Variants in FGG observed in about 807,000 individuals in gnomAD.
The protein encoded by FGG is fibrinogen, gamma polypeptide.
FGG carries 20 observed loss-of-function variants against 51.7 expected under a neutral mutation model. The observed-to-expected ratio is 0.39, with a 90% CI of 0.27 to 0.56. The LOEUF (loss-of-function observed/expected upper bound fraction) is 0.56, where lower values mean the gene tolerates loss of function less well. Among genes scored for constraint, FGG ranks in the 20% least tolerant of loss-of-function variants. The pLI, the probability that FGG is intolerant of heterozygous loss-of-function variation, is 0.64. For synonymous variants in FGG, 184 were observed against 184.7 expected (o/e 1.00, Z 0.03); for missense variants, 460 against 534.2 (o/e 0.86, Z 1.37).
chr4:154,609,925 C>A, intron 5 of FGG, 142 bp downstream of exon 5: 2 of 1,498,578 alleles, frequency 1.3e-6, no homozygotes, highest in Admixed American at 1.7e-5. Flanking sequence ...TTTAGCTATT[C>A]AAGAAAGGTC....
chr4:154,604,339 T>A lies in FGG; in HGVS notation c.*495A>T. Reference sequence around the variant, plus strand: ...AAGTAAATCTCTTTTGAAACGGTCTTTTAAACGTCTCCAGCCTGTGAATAT... The same window carrying A: ...AAGTAAATCTCTTTTGAAACGGTCTATTAAACGTCTCCAGCCTGTGAATAT... On this transcript the variant is annotated 3_prime_UTR_variant, in exon 9 of 9. Coordinates refer to ENST00000336098, the MANE Select transcript of FGG (RefSeq NM_021870.3). 6.6e-7 allele frequency: 1 copy of A among 1,515,092 alleles called. No individual in the cohort carries two copies. Among genetic ancestry groups the A allele is most frequent in the South Asian group, 1.3e-5 (1 of 75,268 alleles). 93.9% of individuals were successfully genotyped at this position (1,515,092 alleles called of 1,614,324 possible).
At position 154,612,525 on chromosome 4, in the gene FGG, C is replaced by G; in HGVS notation, c.78+7G>C. Reference sequence around the variant, plus strand: ...TTTAAACAACGTTTTGTGAAGAGCACACTTACTGCTACACATGTTGAAGAG... The same window carrying G: ...TTTAAACAACGTTTTGTGAAGAGCAGACTTACTGCTACACATGTTGAAGAG... On this transcript the variant is annotated splice_region_variant and intron_variant, in intron 1 of 8. Coordinates refer to ENST00000336098, the MANE Select transcript of FGG (RefSeq NM_021870.3). The G allele has an allele frequency of 6.2e-7, 1 of 1,613,896 alleles. No homozygotes were observed. The highest frequency in any genetic ancestry group is 8.5e-7 in the Non-Finnish European group (1 of 1,179,822).
chr4:154,610,034 G>A (rs1025943164), intron 5 of FGG, 33 bp downstream of exon 5: 1 of 1,612,804 alleles, frequency 6.2e-7, no homozygotes, highest in Non-Finnish European at 8.5e-7. Flanking sequence ...TTACTTTGAT[G>A]AACCTAATCC....
intron 8 of FGG, among the ~76,000 whole-genome samples, chr4:154,606,317 C>A (rs1057108555): frequency 5.3e-5 from 8 of 152,148 alleles, no homozygotes; most frequent in Non-Finnish European, 1.0e-4. Flanking sequence ...CTGTTCACTG[C>A]GTGTATCTGA....
chr4:154,604,361 A>G lies in FGG; in HGVS notation c.*473T>C. 2 of 1,500,234 alleles carry G rather than the reference A, an allele frequency of 1.3e-6. No individual in the cohort carries two copies. The highest frequency in any genetic ancestry group is 1.4e-5 in the South Asian group (1 of 73,096). 92.9% of individuals were successfully genotyped at this position (1,500,234 alleles called of 1,614,324 possible). ...TCTTTTAAACGTCTCCAGCCTGTGA[A>G]TATATAACAAAACAAAAACCATATT... is the stretch of plus-strand genomic sequence containing the variant. On this transcript the variant is annotated 3_prime_UTR_variant, in exon 9 of 9. Transcript: ENST00000336098.
At chr4:154,609,834 C>T (rs1481598910) in intron 5 of FGG, 71 bp from the exon 6 acceptor site, 1 of 1,604,190 alleles carries the variant, frequency 6.2e-7, no homozygotes, top group South Asian at 1.1e-5. Flanking sequence ...TGAAAAATAG[C>T]TTTTAACATG....
intron 6 of FGG, 81 bp from the exon 7 acceptor site, chr4:154,608,731 A>G: frequency 7.6e-7 from 1 of 1,323,038 alleles, no homozygotes; most frequent in South Asian, 1.2e-5. Context: ...ATTTTGTCAA[A>G]AATACAGAGC....
intron 4 of FGG, 21 bp from the exon 5 acceptor site, chr4:154,610,218 TAACAAAAATAAGAA>T: frequency 6.5e-7 from 1 of 1,531,340 alleles, no homozygotes; most frequent in Non-Finnish European, 9.0e-7. Flanking sequence ...AAACATAAGA[TAACAAAAATAAGAA>T]GACAAAAATA....
intron 6 of FGG, among the ~76,000 whole-genome samples, chr4:154,609,362 T>C (rs1440163773): frequency 6.6e-6 from 1 of 152,178 alleles, no homozygotes; most frequent in Non-Finnish European, 1.5e-5. Flanking sequence ...CAGTACAATA[T>C]AGAGTCAAGT....
intron 6 of FGG, among the ~76,000 whole-genome samples, chr4:154,608,945 A>G (rs907045054): frequency 1.3e-5 from 2 of 152,236 alleles, no homozygotes; most frequent in Non-Finnish European, 2.9e-5. Flanking sequence ...AGACGACTTC[A>G]GAACTCTAGC....
At chr4:154,608,315 C>G (rs1731137153) in intron 7 of FGG, 151 bp downstream of exon 7, 1 of 770,666 alleles carries the variant, frequency 1.3e-6, no homozygotes, top group Non-Finnish European at 2.2e-6. Flanking sequence ...TTGGATTGCC[C>G]AAGAACCAAA....
At chr4:154,609,870 T>C (rs975499567) in intron 5 of FGG, 107 bp from the exon 6 acceptor site, 6 of 1,572,190 alleles carry the variant, frequency 3.8e-6, no homozygotes, top group Non-Finnish European at 5.2e-6. Context: ...TTTCCAAGAA[T>C]AATTTTCTTA....
At chr4:154,606,638 T>C (rs1731101343) in intron 8 of FGG, 67 bp downstream of exon 8, 2 of 1,461,132 alleles carry the variant, frequency 1.4e-6, no homozygotes, top group East Asian at 2.5e-5. Flanking sequence ...TTCATATCTA[T>C]TTATTATTTT....
At chr4:154,608,355 G>T in intron 7 of FGG, 111 bp downstream of exon 7, 1 of 1,048,852 alleles carries the variant, frequency 9.5e-7, no homozygotes, top group Non-Finnish European at 1.4e-6. Context: ...GTGGCTGGAT[G>T]TGCTGTTTGC....
intron 5 of FGG, 31 bp downstream of exon 5, chr4:154,610,036 A>G (rs1174752191): frequency 3.7e-6 from 6 of 1,613,312 alleles, no homozygotes; most frequent in African/African-American, 1.3e-5. Context: ...ACTTTGATGA[A>G]CCTAATCCCA....
chr4:154,606,980 G>A lies in FGG; in HGVS notation c.854C>T (p.Thr285Ile). ...CACCTTGAACATGGCATAGTCTGCA[G>A]TACTGAGAAGAAGGAAATACAACCA... ...ELEDWNGRTS[T>I]ADYAMFKVGP... Residue 285 changes from threonine (T) to isoleucine (I), a missense_variant and splice_region_variant, in exon 8 of 9, where the codon ACT becomes ATT. Around this residue, in one of 3 missense-constraint regions of FGG, gnomAD observed 353 missense variants for 391.7 expected, o/e 0.90. Transcript: ENST00000336098. 6.3e-7 allele frequency: 1 copy of A among 1,586,246 alleles called. No individual in the cohort carries two copies.
intron 4 of FGG, chr4:154,611,517 G>C: frequency 4.4e-6 from 1 of 225,996 alleles, no homozygotes. Flanking sequence ...TATGTTGTAA[G>C]ATAAATGGGG....
In FGG at chr4:154,608,048, A is replaced by T. The variant is rs1560834604; in HGVS notation, c.851+418T>A. On this transcript the variant is annotated intron_variant, in intron 7 of 8. Transcript: ENST00000336098. ...GATAGTTGTTAAGAGGACAGGCTCT[A>T]AAGTTAAACTACTTGAGTCTGAATT... is the stretch of plus-strand genomic sequence containing the variant. Among the ~76,000 whole-genome samples, 4 of 152,302 alleles carry T rather than the reference A, an allele frequency of 2.6e-5. No individual in the cohort carries two copies. The South Asian group carries it at 6.2e-4, about 24-fold the overall frequency.
At position 154,604,410 on chromosome 4, in the gene FGG, T is replaced by TA. The variant is rs1186338438; in HGVS notation, c.*423dup. 3 of 1,401,582 alleles carry TA rather than the reference T, an allele frequency of 2.1e-6. No individual in the cohort carries two copies. The East Asian group carries it at 7.9e-5, about 37-fold the overall frequency. The allele number at this position is 1,401,582 out of a possible 1,614,324, so 86.8% of individuals were successfully genotyped here. On this transcript the variant is annotated 3_prime_UTR_variant, in exon 9 of 9. Coordinates refer to ENST00000336098, the MANE Select transcript of FGG (RefSeq NM_021870.3). ...TTAAAAAGACATAATTTTCTCCATT[T>TA]AAAAAGAAGAATTAAATAGGAATGA... is the stretch of plus-strand genomic sequence containing the variant.
Sources: allele counts gnomAD v4.1 joint callset (sites outside exome capture counted in the v4.1 genomes callset), GRCh38; gene constraint gnomAD v4.1.1; regional missense constraint gnomAD v4.1.1; transcripts MANE v1.5; gene names NCBI Gene and HGNC (gene_info 2026-07-23, HGNC 2026-07-21).